PABPC4L: variants seen among roughly 807,000 people sequenced by gnomAD.
The protein encoded by PABPC4L is polyadenylate-binding protein 4-like.
For missense variants in PABPC4L, 452 were observed against 451.4 expected, an observed-to-expected ratio of 1.00 and a Z score of -0.01; for synonymous variants, 169 against 164.1, an observed-to-expected ratio of 1.03 and a Z score of -0.23.
chr4:134,017,738 A>G, the PABPC4L span, among the ~76,000 whole-genome samples: 173 of 152,098 alleles, frequency 1.1e-3, no homozygotes, highest in Non-Finnish European at 7.9e-4. Context: ...CATCACCAAT[A>G]ATTCTATATG....
the PABPC4L span, among the ~76,000 whole-genome samples, chr4:134,032,298 A>G: frequency 3.0e-4 from 45 of 152,016 alleles, no homozygotes; most frequent in African/African-American, 1.1e-3. Flanking sequence ...TAGTTATAGT[A>G]TACATTTCTT....
chr4:134,173,980 A>T, the PABPC4L span, among the ~76,000 whole-genome samples: 1 of 152,222 alleles, frequency 6.6e-6, no homozygotes, highest in South Asian at 2.1e-4. Context: ...ACACAAACAC[A>T]TTGTACAGAA....
chr4:133,985,649 G>T, the PABPC4L span, among the ~76,000 whole-genome samples: 1 of 151,928 alleles, frequency 6.6e-6, no homozygotes, highest in African/African-American at 2.4e-5. Context: ...CAATTATAAT[G>T]ATTTTAATAG....
At chr4:134,105,041 T>G in the PABPC4L span, among the ~76,000 whole-genome samples, 2 of 151,722 alleles carry the variant, frequency 1.3e-5, no homozygotes, top group Non-Finnish European at 2.9e-5. Flanking sequence ...TTAAAACCAC[T>G]AAGGTATAAA....
chr4:134,107,920 C>T, the PABPC4L span, among the ~76,000 whole-genome samples: 3 of 151,416 alleles, frequency 2.0e-5, no homozygotes, highest in Admixed American at 2.0e-4. Context: ...ATATTTTATT[C>T]TATTCATTTT....
At chr4:134,043,254 G>A in the PABPC4L span, among the ~76,000 whole-genome samples, 1 of 152,048 alleles carries the variant, frequency 6.6e-6, no homozygotes, top group Non-Finnish European at 1.5e-5. Flanking sequence ...GATGCTATTA[G>A]TTTATTTAGG....
chr4:134,102,627 A>G, the PABPC4L span, among the ~76,000 whole-genome samples: 18 of 151,608 alleles, frequency 1.2e-4, no homozygotes, highest in African/African-American at 3.6e-4. Flanking sequence ...GAACAACTCA[A>G]TAAGTTAAAC....
At chr4:134,072,829 A>C in the PABPC4L span, among the ~76,000 whole-genome samples, 6 of 152,156 alleles carry the variant, frequency 3.9e-5, no homozygotes, top group South Asian at 4.1e-4. Flanking sequence ...ATAGCTGACG[A>C]GCACAAGGGG....
chr4:134,116,475 A>G, the PABPC4L span, among the ~76,000 whole-genome samples: 1 of 151,806 alleles, frequency 6.6e-6, no homozygotes, highest in Non-Finnish European at 1.5e-5. Flanking sequence ...CTTTGTTCAG[A>G]ACTAAAGCCA....
the PABPC4L span, among the ~76,000 whole-genome samples, chr4:134,132,466 T>C: frequency 6.6e-6 from 1 of 150,670 alleles, no homozygotes; most frequent in Non-Finnish European, 1.5e-5. Context: ...GAAAAAATGC[T>C]CAACATCACC....
chr4:134,069,181 G>A, the PABPC4L span, among the ~76,000 whole-genome samples: 9 of 152,158 alleles, frequency 5.9e-5, no homozygotes, highest in Non-Finnish European at 1.3e-4. Flanking sequence ...GGTTTCTGCT[G>A]AAAGGTCTGC....
chr4:134,153,551 T>C, the PABPC4L span, among the ~76,000 whole-genome samples: 9 of 152,244 alleles, frequency 5.9e-5, no homozygotes, highest in Non-Finnish European at 5.9e-5. Context: ...TGAATAAGGG[T>C]CACCTTAGCT....
chr4:134,187,893 G>T, the PABPC4L span, among the ~76,000 whole-genome samples: 1 of 151,944 alleles, frequency 6.6e-6, no homozygotes, highest in Non-Finnish European at 1.5e-5. Context: ...TTTAATTGGT[G>T]TCTGTAGACT....
At chr4:134,038,976 C>T in the PABPC4L span, among the ~76,000 whole-genome samples, 1 of 152,080 alleles carries the variant, frequency 6.6e-6, no homozygotes, top group Non-Finnish European at 1.5e-5. Flanking sequence ...ATAAATTTCC[C>T]TCTACATATT....
chr4:134,032,453 T>A, the PABPC4L span, among the ~76,000 whole-genome samples: 1 of 151,978 alleles, frequency 6.6e-6, no homozygotes, highest in Non-Finnish European at 1.5e-5. Flanking sequence ...AAGAAGAATC[T>A]GATTTAGAAA....
the PABPC4L span, among the ~76,000 whole-genome samples, chr4:133,991,437 T>G: frequency 6.6e-6 from 1 of 152,176 alleles, no homozygotes; most frequent in African/African-American, 2.4e-5. Context: ...AATTACTGTT[T>G]GAATGCCAGT....
At chr4:134,095,444 C>CT in the PABPC4L span, among the ~76,000 whole-genome samples, 3 of 151,938 alleles carry the variant, frequency 2.0e-5, no homozygotes, top group Non-Finnish European at 4.4e-5. Context: ...TCATGTTAAA[C>CT]TTTTTTTGCA....
chr4:133,964,343 A>T, the PABPC4L span, among the ~76,000 whole-genome samples: 1 of 151,888 alleles, frequency 6.6e-6, no homozygotes, highest in Non-Finnish European at 1.5e-5. Flanking sequence ...TTACCAAAAA[A>T]AAAATAGTCC....
the PABPC4L span, among the ~76,000 whole-genome samples, chr4:134,117,358 G>T: frequency 1.3e-5 from 2 of 151,744 alleles, no homozygotes; most frequent in South Asian, 4.1e-4. Flanking sequence ...AGTCAAAACT[G>T]CACAGTTACG....
Sources: allele counts gnomAD v4.1 joint callset (sites outside exome capture counted in the v4.1 genomes callset), GRCh38; gene constraint gnomAD v4.1.1; transcripts MANE v1.5; gene names NCBI Gene and HGNC (gene_info 2026-07-23, HGNC 2026-07-21).